The following RGS7 variants were observed in gnomAD, a reference collection of about 807,000 sequenced individuals.
The protein encoded by RGS7 is regulator of G protein signaling 7.
In RGS7, 27 loss-of-function variants were observed where a neutral mutation model predicts 81.1. That is an observed-to-expected ratio of 0.33 (90% CI 0.25 to 0.46). The LOEUF is 0.46. RGS7 is among the 20% of genes least tolerant of loss of function. The pLI is 1.00. For synonymous variants in RGS7, 208 were observed against 207.7 expected (o/e 1.00, Z -0.01); for missense variants, 396 against 607.4 (o/e 0.65, Z 3.66).
Position 241,100,329 on chromosome 1 carries a change from G to C in RGS7, c.79-1567C>G, listed in dbSNP as rs563171883. On this transcript the variant is annotated intron_variant, in intron 2 of 18. Coordinates refer to ENST00000440928, the MANE Select transcript of RGS7 (RefSeq NM_001364886.1). The stretch of plus-strand genomic sequence containing the variant: ...GGCAGAGCTTGCAGTGAGCCGAGAT[G>C]GCGCCACTGCACTCCAGCCTGGGCA... 2.5e-4 allele frequency among the ~76,000 whole-genome samples: 37 copies of C among 147,828 alleles called. 1 individual carries two copies. In the East Asian group the frequency reaches 6.9e-3, roughly 28 times the overall value.
rs553784563 is a variant in RGS7, at chr1:241,036,516, A to C, written c.176-53387T>G. ...ATTTATTACATCCAAAATATAGAGC[A>C]GCGCCAAGATCTGTCTAAGTCCCAT... On this transcript the variant is annotated intron_variant, in intron 3 of 18. Transcript: ENST00000440928. Among the ~76,000 whole-genome samples, 11 of 152,332 alleles carry C rather than the reference A, an allele frequency of 7.2e-5. No individual in the cohort carries two copies. The South Asian group carries it at 2.1e-3, about 29-fold the overall frequency.
intron 18 of RGS7, among the ~76,000 whole-genome samples, chr1:240,780,097 A>G (rs938042583): frequency 3.3e-5 from 5 of 152,200 alleles, no homozygotes; most frequent in Admixed American, 2.6e-4. Flanking sequence ...TATGAATAGA[A>G]TTGTATACAC....
intron 2 of RGS7, among the ~76,000 whole-genome samples, chr1:241,133,137 A>G (rs1389686011): frequency 1.3e-5 from 2 of 152,200 alleles, no homozygotes; most frequent in African/African-American, 4.8e-5. Flanking sequence ...GTATTGTAGT[A>G]CATTGTAAAA....
At chr1:240,910,171 G>T (rs1174193639) in intron 6 of RGS7, among the ~76,000 whole-genome samples, 1 of 152,116 alleles carries the variant, frequency 6.6e-6, no homozygotes, top group East Asian at 1.9e-4. Context: ...ATACTTGCAT[G>T]ATATACTGTC....
intron 3 of RGS7, among the ~76,000 whole-genome samples, chr1:241,062,126 G>C (rs1234034560): frequency 6.6e-6 from 1 of 152,180 alleles, no homozygotes; most frequent in Non-Finnish European, 1.5e-5. Flanking sequence ...AATCTTTCGA[G>C]TGGTTAGATA....
At chr1:241,278,998 G>A (rs2078356663) in intron 2 of RGS7, among the ~76,000 whole-genome samples, 1 of 152,080 alleles carries the variant, frequency 6.6e-6, no homozygotes, top group African/African-American at 2.4e-5. Flanking sequence ...TTCATTTGGG[G>A]ACTTCCAACC....
chr1:241,127,872 A>G (rs979354434), intron 2 of RGS7, among the ~76,000 whole-genome samples: 2 of 152,222 alleles, frequency 1.3e-5, no homozygotes, highest in African/African-American at 4.8e-5. Context: ...AGATAAGAGG[A>G]TGATAAATTT....
Position 240,960,920 on chromosome 1 carries a change from T to C in RGS7, c.226+22159A>G, listed in dbSNP as rs949255031. Among the ~76,000 whole-genome samples, 11 of 152,204 alleles carry C rather than the reference T, an allele frequency of 7.2e-5. 1 individual carries two copies. In the South Asian group the frequency reaches 1.2e-3, roughly 17 times the overall value. ...TGATTACAAAGCTATCTGAAGGAAA[T>C]AGCATGCCAAGTGCAATTATGAATA... On this transcript the variant is annotated intron_variant, in intron 4 of 18. Coordinates refer to ENST00000440928, the MANE Select transcript of RGS7 (RefSeq NM_001364886.1).
intron 2 of RGS7, among the ~76,000 whole-genome samples, chr1:241,166,190 A>G (rs2070221905): frequency 6.6e-6 from 1 of 152,234 alleles, no homozygotes; most frequent in Non-Finnish European, 1.5e-5. Context: ...TGAACCTGAA[A>G]AATGAAATGG....
intron 3 of RGS7, among the ~76,000 whole-genome samples, chr1:241,090,371 C>G (rs12093416): frequency 9.9e-5 from 15 of 152,008 alleles, no homozygotes; most frequent in Admixed American, 9.2e-4. Flanking sequence ...AGGCAGAAAC[C>G]AGGGAAGGGG....
At chr1:241,089,993 CAAAA>C (rs10716500) in intron 3 of RGS7, among the ~76,000 whole-genome samples, 6 of 93,028 alleles carry the variant, frequency 6.4e-5, no homozygotes, top group East Asian at 8.6e-4. Context: ...GACTCCATCT[CAAAA>C]AAAAAAAAAA....
At chr1:241,175,272 G>A (rs1014161276) in intron 2 of RGS7, among the ~76,000 whole-genome samples, 6 of 152,146 alleles carry the variant, frequency 3.9e-5, no homozygotes, top group Non-Finnish European at 7.4e-5. Context: ...CACATTGGAA[G>A]CTATAACATT....
At chr1:240,855,752 T>TCTACCAA (rs1298859962) in intron 9 of RGS7, among the ~76,000 whole-genome samples, 2 of 151,932 alleles carry the variant, frequency 1.3e-5, no homozygotes, top group Non-Finnish European at 1.5e-5. Flanking sequence ...GTGAAAAAGA[T>TCTACCAA]TTTATCTTTT....
intron 2 of RGS7, among the ~76,000 whole-genome samples, chr1:241,222,078 G>T (rs561692205): frequency 2.6e-5 from 4 of 152,298 alleles, no homozygotes; most frequent in Admixed American, 2.6e-4. Context: ...TTTGTTGGAA[G>T]TCCTCTTGCC....
chr1:240,819,013 T>C (rs968514797), intron 10 of RGS7, among the ~76,000 whole-genome samples: 1 of 152,226 alleles, frequency 6.6e-6, no homozygotes, highest in African/African-American at 2.4e-5. Context: ...ATGGTATATA[T>C]GTTTATTGAA....
intron 3 of RGS7, among the ~76,000 whole-genome samples, chr1:241,025,970 T>C (rs1040818834): frequency 1.3e-5 from 2 of 152,216 alleles, no homozygotes; most frequent in Admixed American, 6.5e-5. Context: ...ATAGCATTAA[T>C]AGAACATAGT....
At chr1:240,820,497 T>C (rs1691575776) in intron 10 of RGS7, among the ~76,000 whole-genome samples, 2 of 152,106 alleles carry the variant, frequency 1.3e-5, no homozygotes, top group South Asian at 4.2e-4. Flanking sequence ...TGCTATGGTC[T>C]GAATGTTTGT....
At chr1:241,330,427 A>T (rs1163889964) in intron 2 of RGS7, among the ~76,000 whole-genome samples, 6 of 152,252 alleles carry the variant, frequency 3.9e-5, no homozygotes, top group African/African-American at 1.2e-4. Context: ...ATTTATGTAT[A>T]AAGCCAGTGT....
rs1343983 is a variant in RGS7, at chr1:241,204,086, G to A, written c.79-105324C>T. Among the ~76,000 whole-genome samples the A allele has an allele frequency of 4.8e-3, 731 of 152,314 alleles. 7 individuals carry two copies. Among genetic ancestry groups the A allele is most frequent in the African/African-American group, 0.017 (699 of 41,578 alleles). ...ACTATAGGAGTTGCCCAGTTTGTTA[G>A]GTGAGAGTTTAAAGGAAACTTTAGA... On this transcript the variant is annotated intron_variant, in intron 2 of 18. Transcript: ENST00000440928.
Sources: allele counts gnomAD v4.1 joint callset (sites outside exome capture counted in the v4.1 genomes callset), GRCh38; gene constraint gnomAD v4.1.1; transcripts MANE v1.5; gene names NCBI Gene and HGNC (gene_info 2026-07-23, HGNC 2026-07-21).